Variants in ZFYVE9 observed in about 807,000 individuals in gnomAD.
ZFYVE9 encodes the protein zinc finger FYVE domain-containing protein 9.
In ZFYVE9, 43 loss-of-function variants were observed where a neutral mutation model predicts 126.7. The ratio of observed to expected loss-of-function variants is 0.34; its 90% CI spans 0.27 to 0.44. The LOEUF (loss-of-function observed/expected upper bound fraction) is 0.44, where lower values mean the gene tolerates loss of function less well. ZFYVE9 is among the 20% of genes least tolerant of loss of function. The probability of loss-of-function intolerance (pLI) is 1.00; values close to 1 mark genes in which losing one functional copy is unlikely to be tolerated. For synonymous variants in ZFYVE9, 521 were observed against 597.4 expected (o/e 0.87, Z 1.87); for missense variants, 1,476 against 1,697.0 (o/e 0.87, Z 2.29).
At chr1:52,154,078 C>T (rs1180510579) in intron 1 of ZFYVE9, among the ~76,000 whole-genome samples, 1 of 152,202 alleles carries the variant, frequency 6.6e-6, no homozygotes, top group East Asian at 1.9e-4. Flanking sequence ...GGTTATGGGC[C>T]TACTGCCACA....
At chr1:52,213,659 A>G (rs986397753) in intron 1 of ZFYVE9, among the ~76,000 whole-genome samples, 3 of 152,126 alleles carry the variant, frequency 2.0e-5, no homozygotes, top group African/African-American at 7.2e-5. Flanking sequence ...TCAAAAAAAA[A>G]AGAGGATTTA....
chr1:52,226,795 A>C (rs1645174597), intron 2 of ZFYVE9, among the ~76,000 whole-genome samples: 1 of 152,208 alleles, frequency 6.6e-6, no homozygotes, highest in Non-Finnish European at 1.5e-5. Context: ...GGACTACTGG[A>C]AGCAGGGAGT....
intron 4 of ZFYVE9, among the ~76,000 whole-genome samples, chr1:52,249,582 G>C (rs1405390139): frequency 1.3e-5 from 2 of 151,776 alleles, no homozygotes; most frequent in Admixed American, 1.3e-4. Flanking sequence ...CTTATTCTTG[G>C]GTTTTTCATT....
chr1:52,151,970 A>G (rs895451076), intron 1 of ZFYVE9, among the ~76,000 whole-genome samples: 1 of 151,886 alleles, frequency 6.6e-6, no homozygotes, highest in Admixed American at 6.6e-5. Flanking sequence ...AACTTGTTTA[A>G]CTTTGTTCAG....
intron 1 of ZFYVE9, chr1:52,162,322 A>G: frequency 2.5e-6 from 1 of 401,742 alleles, no homozygotes. Context: ...TATCATAGTA[A>G]GAATCTCGAC....
chr1:52,345,422 G>GC (rs1309246341), intron 18 of ZFYVE9, among the ~76,000 whole-genome samples: 2 of 152,190 alleles, frequency 1.3e-5, no homozygotes, highest in East Asian at 3.8e-4. Context: ...ACAGGGTTGT[G>GC]CCATTATCAG....
At chr1:52,231,405 C>T (rs1184519974) in intron 2 of ZFYVE9, among the ~76,000 whole-genome samples, 1 of 151,872 alleles carries the variant, frequency 6.6e-6, no homozygotes. Flanking sequence ...GTAGCCCCAG[C>T]TACTCTGGAG....
intron 6 of ZFYVE9, among the ~76,000 whole-genome samples, chr1:52,268,115 TATTA>T (rs1645651492): frequency 6.6e-6 from 1 of 152,364 alleles, no homozygotes; most frequent in Admixed American, 6.5e-5. Flanking sequence ...TTCACCATGC[TATTA>T]ATTTATTTCC....
At chr1:52,182,136 GC>G (rs957733110) in intron 1 of ZFYVE9, among the ~76,000 whole-genome samples, 1 of 151,320 alleles carries the variant, frequency 6.6e-6, no homozygotes, top group African/African-American at 2.4e-5. Context: ...TGGGGGGTCA[GC>G]CCCCCGCCCG....
chr1:52,277,720 A>T (rs1416748947), intron 8 of ZFYVE9, among the ~76,000 whole-genome samples: 1 of 152,220 alleles, frequency 6.6e-6, no homozygotes, highest in Non-Finnish European at 1.5e-5. Context: ...TTCCTTTCCC[A>T]TATCTCTAGG....
chr1:52,275,466 C>T (rs949064548), intron 8 of ZFYVE9, among the ~76,000 whole-genome samples: 3 of 152,176 alleles, frequency 2.0e-5, no homozygotes, highest in Non-Finnish European at 4.4e-5. Context: ...AATCTCCAAA[C>T]TGCTTTCCAC....
At chr1:52,345,045 C>A in intron 18 of ZFYVE9, 101 bp downstream of exon 18, 1 of 1,304,762 alleles carries the variant, frequency 7.7e-7, no homozygotes, top group Non-Finnish European at 1.1e-6. Flanking sequence ...AATTCTCCGA[C>A]CTTCTGGCCT....
intron 3 of ZFYVE9, among the ~76,000 whole-genome samples, chr1:52,236,757 G>T (rs1453773582): frequency 6.6e-6 from 1 of 152,028 alleles, no homozygotes; most frequent in African/African-American, 2.4e-5. Flanking sequence ...ATTGTGACAT[G>T]GTTACAAGCA....
intron 10 of ZFYVE9, among the ~76,000 whole-genome samples, chr1:52,293,107 T>C (rs1317042787): frequency 6.6e-6 from 1 of 152,012 alleles, no homozygotes; most frequent in Non-Finnish European, 1.5e-5. Flanking sequence ...GGCCGGGCGC[T>C]GTGGCTCATG....
Position 52,237,491 on chromosome 1 carries a change from A to G in ZFYVE9, c.74A>G (p.Glu25Gly). 6.3e-7 allele frequency: 1 copy of G among 1,589,258 alleles called. No individual in the cohort carries two copies. The highest frequency in any genetic ancestry group is 8.6e-7 in the Non-Finnish European group (1 of 1,165,542). ...GTAATTACTTATTTTTTTCCAGATG[A>G]AACAGTTTCTTCTACTTTATTGGAT... ...VLDEFEQNEDETVSSTLLDTK... is the reference protein window; with the variant it reads ...VLDEFEQNEDGTVSSTLLDTK... The change falls in exon 4 of 19, where the codon GAA (glutamate) becomes GGA (glycine). Residue 25 changes from glutamate to glycine, a missense_variant. Around this residue, in one of 2 missense-constraint regions of ZFYVE9, gnomAD observed 807 missense variants for 794.6 expected, o/e 1.02. Transcript: ENST00000287727.
At chr1:52,308,734 G>T (rs537559553) in intron 13 of ZFYVE9, among the ~76,000 whole-genome samples, 3 of 152,206 alleles carry the variant, frequency 2.0e-5, no homozygotes, top group Non-Finnish European at 2.9e-5. Flanking sequence ...CCCAACTGGG[G>T]TAACTCTATT....
At chr1:52,259,588 G>A (rs1645558397) in intron 4 of ZFYVE9, among the ~76,000 whole-genome samples, 2 of 144,204 alleles carry the variant, frequency 1.4e-5, no homozygotes. Context: ...AGAAGTTCGA[G>A]ACCAGCCTGG....
intron 1 of ZFYVE9, among the ~76,000 whole-genome samples, chr1:52,164,812 G>C (rs1452750872): frequency 6.6e-6 from 1 of 152,204 alleles, no homozygotes; most frequent in Non-Finnish European, 1.5e-5. Flanking sequence ...CCAGTAATCA[G>C]CTGGGTGATC....
At chr1:52,300,546 G>A (rs992590329) in intron 12 of ZFYVE9, among the ~76,000 whole-genome samples, 5 of 151,520 alleles carry the variant, frequency 3.3e-5, no homozygotes, top group South Asian at 2.1e-4. Context: ...AGCCAAGATC[G>A]TGCCACTGCA....
Sources: gnomAD v4.1 joint callset for allele counts (sites outside exome capture counted in the v4.1 genomes callset) on GRCh38, gnomAD v4.1.1 for gene constraint, gnomAD v4.1.1 regional missense constraint, MANE v1.5 for transcripts, NCBI Gene and HGNC (gene_info 2026-07-23, HGNC 2026-07-21) for gene names.